Variants in RANBP2 observed in about 807,000 individuals in gnomAD.
The protein encoded by RANBP2 is RAN binding protein 2, also known as E3 SUMO-protein ligase RanBP2.
RANBP2 carries 57 observed loss-of-function variants against 303.6 expected under a neutral mutation model. The ratio of observed to expected loss-of-function variants is 0.19; its 90% CI spans 0.15 to 0.23. The LOEUF (loss-of-function observed/expected upper bound fraction) is 0.23. Ranked by LOEUF, RANBP2 falls within the 10% of genes least tolerant of loss-of-function variation. The probability of loss-of-function intolerance (pLI) is 1.00; values close to 1 mark genes in which losing one functional copy is unlikely to be tolerated. For missense variants in RANBP2, 3,138 were observed against 3,780.8 expected (o/e 0.83, Z 4.46); for synonymous variants, 1,167 against 1,301.5 (o/e 0.90, Z 2.23).
chr2:108,989,679 T>G, the RANBP2 span, among the ~76,000 whole-genome samples: 1 of 152,124 alleles, frequency 6.6e-6, no homozygotes, highest in African/African-American at 2.4e-5. Flanking sequence ...ACACCACCAG[T>G]GTATACCCAT....
the RANBP2 span, among the ~76,000 whole-genome samples, chr2:109,094,227 T>C: frequency 2.0e-5 from 3 of 152,214 alleles, no homozygotes; most frequent in Non-Finnish European, 4.4e-5. Context: ...GATTACATAA[T>C]GGGCTGATTG....
chr2:109,069,290 T>A, the RANBP2 span, among the ~76,000 whole-genome samples: 1 of 152,242 alleles, frequency 6.6e-6, no homozygotes, highest in Non-Finnish European at 1.5e-5. Context: ...AGTGCAAGGA[T>A]CCCAGATGTT....
At chr2:108,729,080 T>C (rs2149097890) in intron 1 of RANBP2, 52 bp from the exon 2 acceptor site, 3 of 1,536,270 alleles carry the variant, frequency 2.0e-6, no homozygotes, top group Non-Finnish European at 2.6e-6. Flanking sequence ...TTTGAAAAAA[T>C]GTTGGAAAAT....
the RANBP2 span, among the ~76,000 whole-genome samples, chr2:108,804,142 A>G: frequency 6.6e-6 from 1 of 152,084 alleles, no homozygotes; most frequent in Non-Finnish European, 1.5e-5. Flanking sequence ...TTTTCATCGT[A>G]TTTATATCAC....
chr2:108,948,617 G>A, the RANBP2 span, among the ~76,000 whole-genome samples: 2 of 151,678 alleles, frequency 1.3e-5, no homozygotes, highest in Admixed American at 1.3e-4. Context: ...ATGGTGGCAG[G>A]AGAGAGAGAG....
the RANBP2 span, among the ~76,000 whole-genome samples, chr2:109,002,868 A>G: frequency 6.6e-6 from 1 of 152,078 alleles, no homozygotes; most frequent in Non-Finnish European, 1.5e-5. Flanking sequence ...ATTTTTACCT[A>G]TGAAGTTCAT....
At chr2:109,719,875 C>T in the RANBP2 span, among the ~76,000 whole-genome samples, 1 of 152,134 alleles carries the variant, frequency 6.6e-6, no homozygotes, top group African/African-American at 2.4e-5. Flanking sequence ...GATGATTATT[C>T]TTTAAGCAAA....
At chr2:108,729,488 T>C (rs1324458879) in intron 2 of RANBP2, among the ~76,000 whole-genome samples, 1 of 152,260 alleles carries the variant, frequency 6.6e-6, no homozygotes, top group Non-Finnish European at 1.5e-5. Context: ...GGACCATGCC[T>C]ATATCTTAAT....
chr2:108,960,958 G>A, the RANBP2 span, among the ~76,000 whole-genome samples: 65 of 152,258 alleles, frequency 4.3e-4, no homozygotes, highest in South Asian at 8.7e-3. Context: ...TATAATGAAC[G>A]CCACAACGTA....
chr2:109,409,542 C>A, the RANBP2 span, among the ~76,000 whole-genome samples: 2 of 152,108 alleles, frequency 1.3e-5, no homozygotes, highest in South Asian at 4.2e-4. Context: ...GGCTTGTGGG[C>A]AGCAGTGGAG....
chr2:109,110,585 T>C, the RANBP2 span, among the ~76,000 whole-genome samples: 1 of 152,166 alleles, frequency 6.6e-6, no homozygotes, highest in East Asian at 1.9e-4. Context: ...TTAAATATAC[T>C]ATTGCTATAA....
the RANBP2 span, among the ~76,000 whole-genome samples, chr2:108,885,900 T>C: frequency 6.6e-6 from 1 of 152,238 alleles, no homozygotes; most frequent in Non-Finnish European, 1.5e-5. Context: ...CTTAAAATAA[T>C]GACCTCTGGT....
the RANBP2 span, among the ~76,000 whole-genome samples, chr2:109,259,119 ATGTAATAGC>A: frequency 6.6e-6 from 1 of 152,248 alleles, no homozygotes; most frequent in Non-Finnish European, 1.5e-5. Context: ...GCCAGATCAC[ATGTAATAGC>A]TGCAACATGC....
chr2:109,255,048 C>T, the RANBP2 span, among the ~76,000 whole-genome samples: 29 of 152,144 alleles, frequency 1.9e-4, no homozygotes, highest in Admixed American at 2.6e-4. Context: ...ACTGTACAAG[C>T]CTGCAGTCCT....
chr2:109,659,975 G>A, the RANBP2 span, among the ~76,000 whole-genome samples: 1 of 152,222 alleles, frequency 6.6e-6, no homozygotes, highest in Admixed American at 6.5e-5. Context: ...GTGCTGAGCT[G>A]TTGTCTCAGG....
At chr2:109,445,040 A>G in the RANBP2 span, among the ~76,000 whole-genome samples, 1 of 152,242 alleles carries the variant, frequency 6.6e-6, no homozygotes, top group East Asian at 1.9e-4. Context: ...GGAAAAATAT[A>G]TATTTAAATA....
chr2:109,567,052 T>G, the RANBP2 span, among the ~76,000 whole-genome samples: 1 of 152,068 alleles, frequency 6.6e-6, no homozygotes, highest in African/African-American at 2.4e-5. Flanking sequence ...TACACTAATA[T>G]AAAAGTGGTA....
At chr2:109,569,661 G>A in the RANBP2 span, among the ~76,000 whole-genome samples, 1 of 152,082 alleles carries the variant, frequency 6.6e-6, no homozygotes, top group East Asian at 1.9e-4. Flanking sequence ...AAACATTTTG[G>A]TGCCAAGTCC....
chr2:109,634,843 C>A, the RANBP2 span, among the ~76,000 whole-genome samples: 1 of 152,150 alleles, frequency 6.6e-6, no homozygotes. Context: ...GTCACAACCA[C>A]GAATGCATGT....
Sources: gnomAD v4.1 joint callset for allele counts (sites outside exome capture counted in the v4.1 genomes callset) on GRCh38, gnomAD v4.1.1 for gene constraint, MANE v1.5 for transcripts, NCBI Gene and HGNC (gene_info 2026-07-23, HGNC 2026-07-21) for gene names.